Variants in PTPRD observed in about 807,000 individuals in gnomAD.
The protein encoded by PTPRD is protein tyrosine phosphatase receptor type D.
A neutral mutation model predicts 214.5 loss-of-function variants in PTPRD; 34 were observed. That is an observed-to-expected ratio of 0.16 (90% confidence interval 0.12 to 0.21). The LOEUF (loss-of-function observed/expected upper bound fraction) is 0.21, where lower values mean the gene tolerates loss of function less well. PTPRD is among the 10% of genes least tolerant of loss of function. The pLI, the probability that PTPRD is intolerant of heterozygous loss-of-function variation, is 1.00. For synonymous variants in PTPRD, 1,128 were observed against 845.7 expected (o/e 1.33, Z -5.79); for missense variants, 2,545 against 2,398.7 (o/e 1.06, Z -1.27).
At chr9:10,073,698 G>C (rs2098078512) in intron 3 of PTPRD, among the ~76,000 whole-genome samples, 1 of 151,906 alleles carries the variant, frequency 6.6e-6, no homozygotes, top group South Asian at 2.1e-4. Flanking sequence ...GCATGCATTG[G>C]ACAATGACTC....
Position 9,195,715 on chromosome 9 carries a change from GCAAAAAAAAAAAAAAGTGTATACAAAGA to G in PTPRD, c.-202-12380_-202-12353del, listed in dbSNP as rs1226720062. ...TCCTCAGCCATCAACATTTTTAAAT[GCAAAAAAAAAAAAAAGTGTATACAAAGA>G]CAATTTTAGGAAGTATACATAGGCT... On this transcript the variant is annotated intron_variant, in intron 9 of 45. Transcript: ENST00000381196. Among the ~76,000 whole-genome samples the G allele has an allele frequency of 8.7e-5, 8 of 92,074 alleles. No individual in the cohort carries two copies. The South Asian group carries it at 2.8e-3, about 32-fold the overall frequency. 60.4% of individuals were successfully genotyped at this position (92,074 alleles called of 152,430 possible). A position where few individuals can be genotyped will look rare whatever the true frequency, so the allele number is the denominator to read the frequency against.
chr9:10,492,944 C>T (rs12344951), intron 2 of PTPRD, among the ~76,000 whole-genome samples: 41,882 of 151,848 alleles, frequency 0.28, 6,511 homozygotes, highest in Non-Finnish European at 0.35. Flanking sequence ...CACAAGCATT[C>T]CTACACACAA....
chr9:10,470,914 G>C (rs947677689), intron 2 of PTPRD, among the ~76,000 whole-genome samples: 1 of 152,108 alleles, frequency 6.6e-6, no homozygotes, highest in Admixed American at 6.6e-5. Flanking sequence ...GCCCATCAAT[G>C]AGAAACTGGA....
chr9:10,116,019 C>A (rs1379113184), intron 3 of PTPRD, among the ~76,000 whole-genome samples: 1 of 151,970 alleles, frequency 6.6e-6, no homozygotes, highest in Non-Finnish European at 1.5e-5. Flanking sequence ...TAGGCATATT[C>A]ATGTTATGGT....
intron 12 of PTPRD, among the ~76,000 whole-genome samples, chr9:8,712,841 C>A: frequency 6.6e-6 from 1 of 152,186 alleles, no homozygotes; most frequent in East Asian, 1.9e-4. Context: ...GTCTCAGCCT[C>A]CCGAGTAGCT....
At chr9:9,730,690 G>C (rs1193931780) in intron 7 of PTPRD, among the ~76,000 whole-genome samples, 1 of 152,044 alleles carries the variant, frequency 6.6e-6, no homozygotes, top group African/African-American at 2.4e-5. Context: ...ATAGTCTTTA[G>C]AGTCCAAAGG....
intron 2 of PTPRD, among the ~76,000 whole-genome samples, chr9:10,374,641 A>C (rs1220358481): frequency 1.3e-5 from 2 of 152,052 alleles, no homozygotes; most frequent in African/African-American, 4.8e-5. Context: ...CTTCATTTTA[A>C]AAGAAGTGGG....
intron 5 of PTPRD, among the ~76,000 whole-genome samples, chr9:9,880,428 C>CT (rs1268075698): frequency 6.6e-6 from 1 of 152,118 alleles, no homozygotes; most frequent in African/African-American, 2.4e-5. Context: ...ATGTTATTTA[C>CT]TTTTTTAGAA....
At chr9:8,321,627 T>C (rs114742038) in intron 44 of PTPRD, among the ~76,000 whole-genome samples, 1,977 of 150,782 alleles carry the variant, frequency 0.013, 51 homozygotes, top group African/African-American at 0.045. Flanking sequence ...AACACATTTA[T>C]GTACCTATAC....
At chr9:8,962,700 C>A (rs1350765558) in intron 11 of PTPRD, 2 of 152,000 alleles carry the variant, frequency 1.3e-5, no homozygotes, top group African/African-American at 4.8e-5. Context: ...AACAAATTAG[C>A]TGAGTCAAGG....
chr9:9,191,636 C>G (rs894744949), intron 9 of PTPRD, among the ~76,000 whole-genome samples: 3 of 151,968 alleles, frequency 2.0e-5, no homozygotes, highest in South Asian at 2.1e-4. Context: ...CTGATGATGA[C>G]CATATCTGAA....
At chr9:8,376,296 G>A (rs984340345) in intron 38 of PTPRD, among the ~76,000 whole-genome samples, 4 of 152,014 alleles carry the variant, frequency 2.6e-5, no homozygotes, top group African/African-American at 9.7e-5. Flanking sequence ...AAATTCTTAG[G>A]TGAGAAGCAT....
intron 9 of PTPRD, among the ~76,000 whole-genome samples, chr9:9,249,230 C>A (rs1020676614): frequency 2.6e-5 from 4 of 151,976 alleles, no homozygotes; most frequent in Non-Finnish European, 5.9e-5. Context: ...TGTTTCCTTT[C>A]TCCTCGTGAC....
intron 8 of PTPRD, among the ~76,000 whole-genome samples, chr9:9,539,096 C>G (rs1308538249): frequency 1.3e-5 from 2 of 151,678 alleles, no homozygotes; most frequent in African/African-American, 2.4e-5. Flanking sequence ...ATGAAGAAAA[C>G]AGTACAGGGT....
intron 11 of PTPRD, among the ~76,000 whole-genome samples, chr9:8,887,072 C>T (rs939457116): frequency 6.6e-6 from 1 of 152,214 alleles, no homozygotes; most frequent in African/African-American, 2.4e-5. Flanking sequence ...CCCCATTTTA[C>T]ATGTGAGTTA....
chr9:9,660,519 G>T lies in PTPRD; in HGVS notation c.-287+74014C>A, dbSNP rs76699660. On this transcript the variant is annotated intron_variant, in intron 7 of 45. Coordinates refer to ENST00000381196, the MANE Select transcript of PTPRD (RefSeq NM_002839.4). ...AGATGTGGGTTATACTTGGGATATA[G>T]GATGTAGAAAAGAGGAGTCAAAGTA... Among the ~76,000 whole-genome samples, 13 of 152,064 alleles carry T rather than the reference G, an allele frequency of 8.5e-5. 1 individual carries two copies. The South Asian group carries it at 2.7e-3, about 32-fold the overall frequency.
At chr9:9,927,924 C>T (rs2084925217) in intron 5 of PTPRD, among the ~76,000 whole-genome samples, 1 of 152,084 alleles carries the variant, frequency 6.6e-6, no homozygotes, top group Non-Finnish European at 1.5e-5. Context: ...CTAATTCACT[C>T]AGATTTTACT....
At chr9:8,430,777 C>T (rs572436422) in intron 35 of PTPRD, among the ~76,000 whole-genome samples, 2 of 152,078 alleles carry the variant, frequency 1.3e-5, no homozygotes, top group Non-Finnish European at 2.9e-5. Context: ...TGATAAAATG[C>T]ACTTCACTCC....
chr9:8,494,441 A>C (rs540887260), intron 26 of PTPRD, among the ~76,000 whole-genome samples: 6 of 152,290 alleles, frequency 3.9e-5, no homozygotes, highest in East Asian at 1.9e-4. Flanking sequence ...AGGATAGAAA[A>C]ACCAAGTAAA....
Sources: allele counts gnomAD v4.1 joint callset (sites outside exome capture counted in the v4.1 genomes callset), GRCh38; gene constraint gnomAD v4.1.1; transcripts MANE v1.5; gene names NCBI Gene and HGNC (gene_info 2026-07-23, HGNC 2026-07-21).